The following AUTS2 variants were observed in gnomAD, a reference collection of about 807,000 sequenced individuals.
AUTS2 encodes the protein activator of transcription and developmental regulator AUTS2, also known as autism susceptibility gene 2 protein.
AUTS2 carries 17 observed loss-of-function variants against 112.4 expected under a neutral mutation model. The observed-to-expected ratio is 0.15, with a 90% CI of 0.10 to 0.23. The LOEUF (loss-of-function observed/expected upper bound fraction) is 0.23, where lower values mean the gene tolerates loss of function less well. Ranked by LOEUF, AUTS2 falls within the 10% of genes least tolerant of loss-of-function variation. The probability of loss-of-function intolerance (pLI) is 1.00; values close to 1 mark genes in which losing one functional copy is unlikely to be tolerated. For synonymous variants in AUTS2, 751 were observed against 702.7 expected (o/e 1.07, Z -1.09); for missense variants, 1,510 against 1,701.6 (o/e 0.89, Z 1.98).
chr7:69,678,083 G>C (rs1194776510), intron 1 of AUTS2, among the ~76,000 whole-genome samples: 1 of 152,146 alleles, frequency 6.6e-6, no homozygotes, highest in Non-Finnish European at 1.5e-5. Context: ...GAAGGACAAT[G>C]ATTTTGTAAT....
intron 1 of AUTS2, among the ~76,000 whole-genome samples, chr7:69,854,639 A>T (rs1333869407): frequency 6.6e-6 from 1 of 152,024 alleles, no homozygotes; most frequent in African/African-American, 2.4e-5. Flanking sequence ...CAATTGATTC[A>T]TCTTTAGTGT....
At chr7:69,817,148 G>A (rs1474851534) in intron 1 of AUTS2, among the ~76,000 whole-genome samples, 1 of 152,216 alleles carries the variant, frequency 6.6e-6, no homozygotes, top group Non-Finnish European at 1.5e-5. Flanking sequence ...ACCAGTGACA[G>A]CACTGCTGTT....
At chr7:70,281,976 A>AT (rs1788237975) in intron 4 of AUTS2, among the ~76,000 whole-genome samples, 1 of 152,224 alleles carries the variant, frequency 6.6e-6, no homozygotes, top group Non-Finnish European at 1.5e-5. Flanking sequence ...AAAGAGCATA[A>AT]CATGCATTGT....
intron 6 of AUTS2, among the ~76,000 whole-genome samples, chr7:70,745,942 A>AT (rs1266743167): frequency 1.3e-5 from 2 of 152,074 alleles, no homozygotes; most frequent in Non-Finnish European, 2.9e-5. Context: ...TCTCATTATG[A>AT]TTTTTTTCCT....
At chr7:70,718,618 G>C (rs933335123) in intron 6 of AUTS2, among the ~76,000 whole-genome samples, 8 of 152,102 alleles carry the variant, frequency 5.3e-5, no homozygotes, top group African/African-American at 1.9e-4. Flanking sequence ...AACTGAGATT[G>C]CACCACTGCA....
At chr7:69,783,835 A>G (rs1050765383) in intron 1 of AUTS2, among the ~76,000 whole-genome samples, 2 of 152,164 alleles carry the variant, frequency 1.3e-5, no homozygotes, top group African/African-American at 4.8e-5. Flanking sequence ...AGGTATCATC[A>G]TTCAGCAGGG....
rs539929528 is a variant in AUTS2 at position 70,474,925 on chromosome 7, G to A, written c.690+39144G>A. Among the ~76,000 whole-genome samples, 4 of 152,250 alleles carry A rather than the reference G, an allele frequency of 2.6e-5. No homozygotes were observed. In the East Asian group the frequency reaches 5.8e-4, roughly 22 times the overall value. ...CTCATACTCCTTTGGGGAGATCTGG[G>A]GGCCTGTCTCCATCTCCACGGAAAC... On this transcript the variant is annotated intron_variant, in intron 5 of 18. Coordinates refer to ENST00000342771, the MANE Select transcript of AUTS2 (RefSeq NM_015570.4).
intron 5 of AUTS2, among the ~76,000 whole-genome samples, chr7:70,559,123 A>C (rs540367244): frequency 6.6e-6 from 1 of 152,142 alleles, no homozygotes; most frequent in Admixed American, 6.5e-5. Context: ...CTCCCTGCAC[A>C]TGCTCCCTCT....
chr7:70,734,977 A>G (rs1238913133), intron 6 of AUTS2, among the ~76,000 whole-genome samples: 1 of 152,100 alleles, frequency 6.6e-6, no homozygotes, highest in African/African-American at 2.4e-5. Flanking sequence ...TTTCAACCCA[A>G]GGTCAAGATA....
At chr7:70,563,580 G>T (rs1456458869) in intron 5 of AUTS2, among the ~76,000 whole-genome samples, 1 of 152,204 alleles carries the variant, frequency 6.6e-6, no homozygotes, top group African/African-American at 2.4e-5. Flanking sequence ...CCCTTGAGGT[G>T]AGTGGGTAGA....
chr7:70,068,522 C>G (rs1802606457), intron 2 of AUTS2, among the ~76,000 whole-genome samples: 1 of 152,082 alleles, frequency 6.6e-6, no homozygotes, highest in South Asian at 2.1e-4. Flanking sequence ...GCATATTACA[C>G]TTATGATAAA....
At chr7:69,823,526 C>T (rs889067092) in intron 1 of AUTS2, among the ~76,000 whole-genome samples, 1 of 152,220 alleles carries the variant, frequency 6.6e-6, no homozygotes. Flanking sequence ...ATTGGTAGAT[C>T]ACCCCTGCTG....
intron 1 of AUTS2, among the ~76,000 whole-genome samples, chr7:69,623,400 T>TTC: frequency 6.8e-6 from 1 of 146,264 alleles, no homozygotes; most frequent in East Asian, 2.0e-4. Flanking sequence ...TTTTTTTTTT[T>TTC]TTTTTTGCAG....
intron 2 of AUTS2, among the ~76,000 whole-genome samples, chr7:69,903,526 C>T (rs554002617): frequency 3.7e-4 from 57 of 152,260 alleles, no homozygotes; most frequent in African/African-American, 1.3e-3. Context: ...ATTAGTCTGT[C>T]CTTTCTCTGT....
At chr7:69,876,537 TATATA>T (rs1793809982) in intron 1 of AUTS2, among the ~76,000 whole-genome samples, 2 of 52,902 alleles carry the variant, frequency 3.8e-5, no homozygotes, top group South Asian at 6.6e-4. Context: ...TATATATATA[TATATA>T]TATTTTCAGT....
intron 2 of AUTS2, among the ~76,000 whole-genome samples, chr7:70,085,378 T>G (rs1803543724): frequency 2.0e-5 from 3 of 152,002 alleles, no homozygotes; most frequent in Admixed American, 1.3e-4. Flanking sequence ...ACTTTTTTTT[T>G]TTTTTGAGAT....
chr7:69,699,641 T>G (rs1175665119), intron 1 of AUTS2, among the ~76,000 whole-genome samples: 2 of 145,310 alleles, frequency 1.4e-5, no homozygotes, highest in Non-Finnish European at 3.0e-5. Flanking sequence ...GTGATAATGT[T>G]TTTTTTTTTT....
chr7:70,090,685 CTTT>C (rs1279080115), intron 2 of AUTS2, among the ~76,000 whole-genome samples: 8 of 128,944 alleles, frequency 6.2e-5, no homozygotes, highest in Non-Finnish European at 3.4e-5. Flanking sequence ...AGATTTCTGT[CTTT>C]TTTTTTTTTT....
At chr7:69,872,120 C>G (rs536371561) in intron 1 of AUTS2, among the ~76,000 whole-genome samples, 8 of 152,140 alleles carry the variant, frequency 5.3e-5, no homozygotes, top group Non-Finnish European at 8.8e-5. Context: ...AACCAAGTGC[C>G]GAGCCCTTCT....
Sources: gnomAD v4.1 joint callset for allele counts (sites outside exome capture counted in the v4.1 genomes callset) on GRCh38, gnomAD v4.1.1 for gene constraint, MANE v1.5 for transcripts, NCBI Gene and HGNC (gene_info 2026-07-23, HGNC 2026-07-21) for gene names.